Variants in SLC12A8 observed in about 807,000 individuals in gnomAD.
The protein encoded by SLC12A8 is solute carrier family 12 member 8, also known as cation-chloride cotransporter 9.
In SLC12A8, 69 loss-of-function variants were observed where a neutral mutation model predicts 75.6. The ratio of observed to expected loss-of-function variants is 0.91; its 90% CI spans 0.75 to 1.11. SLC12A8 has a LOEUF of 1.11. SLC12A8 is among the 50% of genes most tolerant of loss of function. SLC12A8 has a pLI of 0.00. For synonymous variants in SLC12A8, 365 were observed against 372.8 expected, an observed-to-expected ratio of 0.98 and a Z score of 0.24; for missense variants, 877 against 896.7, an observed-to-expected ratio of 0.98 and a Z score of 0.28.
chr3:125,102,968 A>G (rs1938920636), intron 10 of SLC12A8, among the ~76,000 whole-genome samples: 1 of 152,140 alleles, frequency 6.6e-6, no homozygotes, highest in Non-Finnish European at 1.5e-5. Flanking sequence ...ATGCAGTGGT[A>G]AGGTATAGGG....
At chr3:125,094,834 G>A (rs775818357) in intron 10 of SLC12A8, among the ~76,000 whole-genome samples, 2 of 152,180 alleles carry the variant, frequency 1.3e-5, no homozygotes, top group Non-Finnish European at 2.9e-5. Context: ...AGTTGCCAAT[G>A]ATTTGAATCT....
rs1451452689 is a variant in SLC12A8 at position 125,162,580 on chromosome 3, A to G, written c.622+15163T>C. Among the ~76,000 whole-genome samples, 8 of 152,140 alleles carry G rather than the reference A, an allele frequency of 5.3e-5. No homozygotes were observed. The East Asian group carries it at 1.5e-3, about 29-fold the overall frequency. Reference sequence around the variant, plus strand: ...CACCAGCGAGGACTTCCAGATTCAGATTGTTTTTGGTCTTAAGAACTTTCT... The same window carrying G: ...CACCAGCGAGGACTTCCAGATTCAGGTTGTTTTTGGTCTTAAGAACTTTCT... On this transcript the variant is annotated intron_variant, in intron 5 of 13. Transcript: ENST00000469902.
chr3:125,158,576 G>C (rs773626205), intron 5 of SLC12A8, among the ~76,000 whole-genome samples: 4 of 152,134 alleles, frequency 2.6e-5, no homozygotes, highest in Non-Finnish European at 4.4e-5. Context: ...ATCCTCTTTA[G>C]ACAACTTAAG....
In SLC12A8 at chr3:125,110,222, T is replaced by C; in HGVS notation, c.1026A>G (p.Lys342=). 1 of 1,613,862 alleles carries C rather than the reference T, an allele frequency of 6.2e-7. No individual in the cohort carries two copies. The highest frequency in any genetic ancestry group is 8.5e-7 in the Non-Finnish European group (1 of 1,179,804). ...CCAGACAGGCAAGTGCAGGGATCACTTTCTCCTGGGCAATGCACTGCAGGA... is the reference window on the plus strand; with the variant it reads ...CCAGACAGGCAAGTGCAGGGATCACCTTCTCCTGGGCAATGCACTGCAGGA... The part of the protein sequence containing the change: ...PRILQCIAQE[K]VIPALACLGQ... The change falls in exon 9 of 14, where the codon AAA becomes AAG. Residue 342 remains lysine, a synonymous_variant. Transcript: ENST00000469902.
chr3:125,137,976 C>T (rs1292179444), intron 5 of SLC12A8, among the ~76,000 whole-genome samples: 1 of 151,914 alleles, frequency 6.6e-6, no homozygotes, highest in Non-Finnish European at 1.5e-5. Context: ...CACACTCACA[C>T]TACTGCTGGC....
In SLC12A8 at chr3:125,132,460, T is replaced by C. The variant is rs150802390; in HGVS notation, c.736+3209A>G. On this transcript the variant is annotated intron_variant, in intron 6 of 13. Coordinates refer to ENST00000469902, the MANE Select transcript of SLC12A8 (RefSeq NM_024628.6). ...GTCAGGTGGTAGACATAAGGAGAAG[T>C]AGAGAGAATCTAGCAACTCTTAGGA... Among the ~76,000 whole-genome samples the C allele has an allele frequency of 2.0e-5, 3 of 152,104 alleles. No homozygotes were observed. In the East Asian group the frequency reaches 5.8e-4, roughly 29 times the overall value.
chr3:125,164,697 A>C (rs1041553044), intron 5 of SLC12A8, among the ~76,000 whole-genome samples: 2 of 152,208 alleles, frequency 1.3e-5, no homozygotes, highest in East Asian at 3.8e-4. Flanking sequence ...GGTTTCCTCC[A>C]CTGAGCCTGG....
chr3:125,177,651 A>G, intron 5 of SLC12A8, 92 bp downstream of exon 5: 1 of 855,052 alleles, frequency 1.2e-6, no homozygotes, highest in Non-Finnish European at 1.8e-6. Flanking sequence ...TATGGGGGTT[A>G]GGGGGAGATG....
At chr3:125,100,489 C>T (rs897334908) in intron 10 of SLC12A8, among the ~76,000 whole-genome samples, 1 of 151,698 alleles carries the variant, frequency 6.6e-6, no homozygotes, top group African/African-American at 2.4e-5. Flanking sequence ...CTCACCGCAA[C>T]CTCCACCTCC....
At chr3:125,136,136 T>C (rs1933488569) in intron 5 of SLC12A8, among the ~76,000 whole-genome samples, 1 of 152,196 alleles carries the variant, frequency 6.6e-6, no homozygotes, top group Non-Finnish European at 1.5e-5. Context: ...AATTAATCGA[T>C]ATTTGCAAGT....
chr3:125,083,880 A>G lies in SLC12A8; in HGVS notation c.*10T>C, dbSNP rs1189059197. The G allele has an allele frequency of 3.1e-6, 5 of 1,610,030 alleles. No individual in the cohort carries two copies. Among genetic ancestry groups the G allele is most frequent in the Admixed American group, 1.7e-5 (1 of 59,626 alleles). On this transcript the variant is annotated 3_prime_UTR_variant, in exon 14 of 14. Transcript: ENST00000469902. ...GACAGCTCCAAAAGAGGAAGGTCCCAGCACTGCATCTAGTAGTGAGGCATC... is the reference window on the plus strand; with the variant it reads ...GACAGCTCCAAAAGAGGAAGGTCCCGGCACTGCATCTAGTAGTGAGGCATC...
At chr3:125,114,599 A>AT (rs1939262653) in intron 8 of SLC12A8, among the ~76,000 whole-genome samples, 1 of 151,970 alleles carries the variant, frequency 6.6e-6, no homozygotes, top group African/African-American at 2.4e-5. Context: ...ATATTTTTGT[A>AT]TTTTTTGGTG....
intron 8 of SLC12A8, 57 bp from the exon 9 acceptor site, chr3:125,110,392 C>CA: frequency 6.4e-7 from 1 of 1,551,404 alleles, no homozygotes; most frequent in South Asian, 1.2e-5. Context: ...TGCCTTTCTA[C>CA]CCCCCCAGCA....
At chr3:125,153,742 G>A (rs539135) in intron 5 of SLC12A8, among the ~76,000 whole-genome samples, 89,951 of 151,916 alleles carry the variant, frequency 0.59, 27,128 homozygotes, top group Admixed American at 0.68. Context: ...AGGTTCAAGC[G>A]ATTCTCCTGC....
Position 125,083,770 on chromosome 3 carries a change from G to T in SLC12A8, c.*120C>A. The stretch of plus-strand genomic sequence containing the variant: ...AAAATGTAGATTTCCATTGTCCAAA[G>T]TGACAGCGGGAGGATGGGTCTTGAG... On this transcript the variant is annotated 3_prime_UTR_variant, in exon 14 of 14. Transcript: ENST00000469902. The T allele has an allele frequency of 1.5e-5, 13 of 891,126 alleles. No homozygotes were observed. Among genetic ancestry groups the T allele is most frequent in the South Asian group, 1.9e-5 (1 of 53,020 alleles). 55.2% of individuals were successfully genotyped at this position (891,126 alleles called of 1,614,324 possible).
chr3:125,154,836 A>G (rs1207318221), intron 5 of SLC12A8: 1 of 152,164 alleles, frequency 6.6e-6, no homozygotes, highest in Non-Finnish European at 1.5e-5. Context: ...TCTTCTTGTG[A>G]TGATGTAAGA....
At chr3:125,091,609 A>G (rs1443138775) in intron 11 of SLC12A8, 53 bp from the exon 12 acceptor site, 9 of 1,209,018 alleles carry the variant, frequency 7.4e-6, no homozygotes, top group Admixed American at 6.8e-5. Context: ...CTACATGGTA[A>G]GCAAGCCACA....
intron 6 of SLC12A8, among the ~76,000 whole-genome samples, chr3:125,123,962 T>C (rs1049142732): frequency 6.6e-6 from 1 of 152,046 alleles, no homozygotes; most frequent in Admixed American, 6.5e-5. Flanking sequence ...TGGAGGAAAA[T>C]GACTGATTCA....
rs77624894 is a variant in SLC12A8 at position 125,164,294 on chromosome 3, T to C, written c.622+13449A>G. On this transcript the variant is annotated intron_variant, in intron 5 of 13. Coordinates refer to ENST00000469902, the MANE Select transcript of SLC12A8 (RefSeq NM_024628.6). ...TCAATCCTGGCTGAGCCACGGACTATGCAAACTCAAGAAAGTTGCATAACC... is the reference window on the plus strand; with the variant it reads ...TCAATCCTGGCTGAGCCACGGACTACGCAAACTCAAGAAAGTTGCATAACC... Among the ~76,000 whole-genome samples the C allele has an allele frequency of 7.2e-3, 1,092 of 152,338 alleles. 13 individuals are homozygous for C. The highest frequency in any genetic ancestry group is 0.025 in the African/African-American group (1,052 of 41,576).
Sources: gnomAD v4.1 joint callset for allele counts (sites outside exome capture counted in the v4.1 genomes callset) on GRCh38, gnomAD v4.1.1 for gene constraint, MANE v1.5 for transcripts, NCBI Gene and HGNC (gene_info 2026-07-23, HGNC 2026-07-21) for gene names.